Variants in TTC17 observed in about 807,000 individuals in gnomAD.
TTC17 encodes the protein tetratricopeptide repeat protein 17.
In TTC17, 58 loss-of-function variants were observed where a neutral mutation model predicts 143.8. That is an observed-to-expected ratio of 0.40 (90% CI 0.33 to 0.50). TTC17 has a LOEUF of 0.50. Ranked by LOEUF, TTC17 falls within the 20% of genes least tolerant of loss-of-function variation. The pLI, the probability that TTC17 is intolerant of heterozygous loss-of-function variation, is 0.49. For synonymous variants in TTC17, 501 were observed against 497.8 expected, an observed-to-expected ratio of 1.01 and a Z score of -0.09; for missense variants, 1,273 against 1,392.5, an observed-to-expected ratio of 0.91 and a Z score of 1.37.
At chr11:43,360,959 C>A (rs1437467931) in intron 1 of TTC17, among the ~76,000 whole-genome samples, 3 of 152,116 alleles carry the variant, frequency 2.0e-5, no homozygotes, top group African/African-American at 7.2e-5. Context: ...CTATACATAA[C>A]ATTTACAATG....
chr11:43,449,836 A>G, intron 19 of TTC17: 2 of 432,308 alleles, frequency 4.6e-6, no homozygotes, highest in Non-Finnish European at 8.3e-6. Context: ...GTGGGGAGGA[A>G]TGTGCTGCTG....
At position 43,361,597 on chromosome 11, in the gene TTC17, A is replaced by G. The variant is rs549698155; in HGVS notation, c.159+2484A>G. On this transcript the variant is annotated intron_variant, in intron 1 of 23. Transcript: ENST00000039989. ...TGAAAGTGAAAAACAGAATGGTTAT[A>G]TGGGCACTCAGTACAGTTGCTACCA... 1.9e-4 allele frequency among the ~76,000 whole-genome samples: 29 copies of G among 152,378 alleles called. No homozygotes were observed. The South Asian group carries it at 5.0e-3, about 26-fold the overall frequency.
At chr11:43,400,123 T>C in intron 9 of TTC17, 75 bp downstream of exon 9, 2 of 1,499,270 alleles carry the variant, frequency 1.3e-6, no homozygotes, top group Non-Finnish European at 1.8e-6. Context: ...CATAACTTTC[T>C]TGTAGCCTTA....
At chr11:43,453,493 A>G (rs1426026264) in intron 21 of TTC17, among the ~76,000 whole-genome samples, 1 of 152,198 alleles carries the variant, frequency 6.6e-6, no homozygotes, top group Non-Finnish European at 1.5e-5. Flanking sequence ...AAGAGGAGCT[A>G]TGGATTTTAT....
intron 16 of TTC17, among the ~76,000 whole-genome samples, chr11:43,433,684 T>C (rs1392670756): frequency 6.6e-6 from 1 of 152,196 alleles, no homozygotes; most frequent in Non-Finnish European, 1.5e-5. Context: ...ATTAAATTTT[T>C]ACTGTGGGCA....
chr11:43,408,784 C>G (rs950741048), intron 15 of TTC17, among the ~76,000 whole-genome samples: 1 of 151,932 alleles, frequency 6.6e-6, no homozygotes, highest in Non-Finnish European at 1.5e-5. Context: ...CTCTGTTGCC[C>G]AGGCTGGAGT....
At chr11:43,372,251 C>T (rs571231362) in intron 1 of TTC17, among the ~76,000 whole-genome samples, 3 of 151,266 alleles carry the variant, frequency 2.0e-5, no homozygotes, top group Admixed American at 6.6e-5. Context: ...TTTAACCTAA[C>T]GGTTTTCTTT....
rs1351800934 is a variant in TTC17 at position 43,494,110 on chromosome 11, C to T, written c.*206C>T. 1.8e-6 allele frequency: 1 copy of T among 541,100 alleles called. No homozygotes were observed. The highest frequency in any genetic ancestry group is 3.4e-5 in the East Asian group (1 of 29,418). The allele number at this position is 541,100 out of a possible 1,614,324, so 33.5% of individuals were successfully genotyped here. On this transcript the variant is annotated 3_prime_UTR_variant, in exon 24 of 24. Coordinates refer to ENST00000039989, the MANE Select transcript of TTC17 (RefSeq NM_018259.6). Reference sequence around the variant, plus strand: ...CAACCAACCTCAGAAGAGGCACCTTCAGAAACACACATTTCTTAAAAGGAA... The same window carrying T: ...CAACCAACCTCAGAAGAGGCACCTTTAGAAACACACATTTCTTAAAAGGAA...
chr11:43,438,180 A>T (rs1947334832), intron 16 of TTC17, among the ~76,000 whole-genome samples: 1 of 152,112 alleles, frequency 6.6e-6, no homozygotes, highest in Non-Finnish European at 1.5e-5. Flanking sequence ...TCTTTTTTTG[A>T]GGAGTCTCAC....
At chr11:43,388,138 G>A (rs1857234926) in intron 2 of TTC17, among the ~76,000 whole-genome samples, 1 of 151,982 alleles carries the variant, frequency 6.6e-6, no homozygotes, top group Non-Finnish European at 1.5e-5. Context: ...GAATATAGTA[G>A]CATTTTTAAT....
At chr11:43,380,052 A>T (rs1189117903) in intron 2 of TTC17, among the ~76,000 whole-genome samples, 2 of 152,208 alleles carry the variant, frequency 1.3e-5, no homozygotes, top group Non-Finnish European at 2.9e-5. Flanking sequence ...GAAAAAAACT[A>T]ATGGGAATAA....
intron 1 of TTC17, among the ~76,000 whole-genome samples, chr11:43,376,108 A>G (rs1215023880): frequency 1.3e-5 from 2 of 152,212 alleles, no homozygotes; most frequent in Non-Finnish European, 1.5e-5. Flanking sequence ...GTGAACTCAA[A>G]AAGTATCGGA....
chr11:43,407,641 A>G (rs1590370692), intron 15 of TTC17, 64 bp downstream of exon 15: 2 of 1,448,166 alleles, frequency 1.4e-6, no homozygotes, highest in East Asian at 2.3e-5. Flanking sequence ...TTAGATTACA[A>G]TTTGTATTTT....
At chr11:43,372,356 G>A (rs1856599679) in intron 1 of TTC17, among the ~76,000 whole-genome samples, 1 of 151,652 alleles carries the variant, frequency 6.6e-6, no homozygotes, top group Admixed American at 6.6e-5. Context: ...AGGCTGGAGT[G>A]CAGTGGCATG....
chr11:43,425,988 AAT>A (rs2134663671), intron 16 of TTC17, among the ~76,000 whole-genome samples: 1 of 152,326 alleles, frequency 6.6e-6, no homozygotes, highest in Non-Finnish European at 1.5e-5. Context: ...TCAGGTCACA[AAT>A]ATACAGTGAG....
chr11:43,387,351 G>A (rs1340773936), intron 2 of TTC17, among the ~76,000 whole-genome samples: 1 of 152,182 alleles, frequency 6.6e-6, no homozygotes, highest in African/African-American at 2.4e-5. Flanking sequence ...CCTGGTTAAA[G>A]TTTCTACTGA....
At chr11:43,371,979 G>A (rs533455195) in intron 1 of TTC17, among the ~76,000 whole-genome samples, 3 of 152,248 alleles carry the variant, frequency 2.0e-5, no homozygotes, top group African/African-American at 7.2e-5. Context: ...GGCTGAGGTG[G>A]GAGGATTGCT....
chr11:43,380,987 G>T (rs922590755), intron 2 of TTC17, among the ~76,000 whole-genome samples: 8 of 151,980 alleles, frequency 5.3e-5, no homozygotes, highest in African/African-American at 1.7e-4. Flanking sequence ...TTTTTTTCAG[G>T]TATATAGACA....
intron 1 of TTC17, among the ~76,000 whole-genome samples, chr11:43,360,620 C>T (rs1856063253): frequency 6.6e-6 from 1 of 152,114 alleles, no homozygotes. Flanking sequence ...TCCTACCACT[C>T]AGCTGAAAAA....
Sources: gnomAD v4.1 joint callset for allele counts (sites outside exome capture counted in the v4.1 genomes callset) on GRCh38, gnomAD v4.1.1 for gene constraint, MANE v1.5 for transcripts, NCBI Gene and HGNC (gene_info 2026-07-23, HGNC 2026-07-21) for gene names.